The following MED13L variants were observed in gnomAD, a reference collection of about 807,000 sequenced individuals.
MED13L encodes the protein mediator complex subunit 13L.
Under a neutral mutation model 220.9 loss-of-function variants are expected in MED13L, and 7 were observed. That is an observed-to-expected ratio of 0.03 (90% confidence interval 0.02 to 0.06). MED13L has a LOEUF of 0.06. Among genes scored for constraint, MED13L ranks in the 10% least tolerant of loss-of-function variants. The pLI, the probability that MED13L is intolerant of heterozygous loss-of-function variation, is 1.00. For missense variants in MED13L, 1,965 were observed against 2,760.5 expected, an observed-to-expected ratio of 0.71 and a Z score of 6.46; for synonymous variants, 1,011 against 1,015.2, an observed-to-expected ratio of 1.00 and a Z score of 0.08.
chr12:115,997,088 A>G lies in MED13L; in HGVS notation c.2712T>C (p.Ser904=). The G allele has an allele frequency of 1.2e-6, 2 of 1,614,096 alleles. No individual in the cohort carries two copies. Among genetic ancestry groups the G allele is most frequent in the Non-Finnish European group, 1.7e-6 (2 of 1,179,994 alleles). Residue 904 remains serine (S), a synonymous_variant, in exon 15 of 31, where the codon AGT becomes AGC. Transcript: ENST00000281928. ...ATTCTGTGAGTTGTGTTGAAACCAT[A>G]CTGACCATAGGGCTCTCCATCATGC... ...ALGMMESPMV[S]MVSTQLTEFK... is the part of the protein sequence containing the mutation.
chr12:115,968,696 G>A (rs1472128353), intron 28 of MED13L, among the ~76,000 whole-genome samples: 2 of 152,174 alleles, frequency 1.3e-5, no homozygotes, highest in African/African-American at 4.8e-5. Context: ...AAAAACCCTT[G>A]CATCTGTAAT....
At chr12:116,183,183 T>C (rs1361857545) in intron 2 of MED13L, among the ~76,000 whole-genome samples, 2 of 152,194 alleles carry the variant, frequency 1.3e-5, no homozygotes, top group Non-Finnish European at 2.9e-5. Flanking sequence ...TAACAACTCC[T>C]TACCTGAGTC....
At chr12:116,069,849 T>C (rs958229853) in intron 4 of MED13L, among the ~76,000 whole-genome samples, 28 of 152,274 alleles carry the variant, frequency 1.8e-4, no homozygotes, top group African/African-American at 5.8e-4. Flanking sequence ...ATGTGTAAGA[T>C]GTATAGGAAA....
At chr12:116,240,050 A>G in intron 1 of MED13L, among the ~76,000 whole-genome samples, 1 of 152,270 alleles carries the variant, frequency 6.6e-6, no homozygotes, top group South Asian at 2.1e-4. Flanking sequence ...CACTAGTAGT[A>G]GTACTATTTC....
chr12:116,085,750 T>TCACA (rs201331780), intron 4 of MED13L, among the ~76,000 whole-genome samples: 3,270 of 99,962 alleles, frequency 0.033, 55 homozygotes, highest in South Asian at 0.075. Flanking sequence ...AAGATTAAAA[T>TCACA]CACTCACACA....
chr12:116,145,104 C>T (rs1877366624), intron 2 of MED13L, among the ~76,000 whole-genome samples: 1 of 152,200 alleles, frequency 6.6e-6, no homozygotes, highest in Non-Finnish European at 1.5e-5. Flanking sequence ...TTCTTCAGAA[C>T]AACAAATTAA....
chr12:116,001,332 G>A (rs1308281364), intron 14 of MED13L, among the ~76,000 whole-genome samples: 1 of 152,150 alleles, frequency 6.6e-6, no homozygotes, highest in Non-Finnish European at 1.5e-5. Flanking sequence ...GAGTAGCTGG[G>A]ATTAGAGGTG....
At chr12:116,220,324 A>G (rs1207779678) in intron 2 of MED13L, among the ~76,000 whole-genome samples, 1 of 152,210 alleles carries the variant, frequency 6.6e-6, no homozygotes, top group Non-Finnish European at 1.5e-5. Context: ...CGAGATTTCC[A>G]AGAGAAAACT....
intron 2 of MED13L, among the ~76,000 whole-genome samples, chr12:116,189,927 G>GT (rs993560053): frequency 3.9e-5 from 6 of 152,012 alleles, no homozygotes; most frequent in Non-Finnish European, 5.9e-5. Context: ...AGTTCTAGAT[G>GT]TTTTTTTGGG....
chr12:116,149,066 C>G (rs1877817140), intron 2 of MED13L, among the ~76,000 whole-genome samples: 2 of 152,334 alleles, frequency 1.3e-5, no homozygotes, highest in South Asian at 4.1e-4. Context: ...TTGATCACAT[C>G]CGGTATTCAT....
intron 2 of MED13L, among the ~76,000 whole-genome samples, chr12:116,221,962 T>G (rs1593180518): frequency 6.6e-6 from 1 of 152,290 alleles, no homozygotes; most frequent in East Asian, 1.9e-4. Flanking sequence ...AGACCACATT[T>G]TAAAACATCC....
chr12:115,988,794 A>G (rs1877868928), intron 17 of MED13L, among the ~76,000 whole-genome samples: 1 of 152,206 alleles, frequency 6.6e-6, no homozygotes, highest in South Asian at 2.1e-4. Flanking sequence ...TCATCCTGAA[A>G]GACGACACCA....
intron 2 of MED13L, among the ~76,000 whole-genome samples, chr12:116,143,236 C>T (rs753463343): frequency 2.0e-5 from 3 of 151,256 alleles, no homozygotes; most frequent in Non-Finnish European, 2.9e-5. Flanking sequence ...CTGCCAGGCA[C>T]AGTGGCTCAG....
intron 7 of MED13L, among the ~76,000 whole-genome samples, chr12:116,018,909 A>C (rs891310661): frequency 1.2e-4 from 17 of 138,550 alleles, no homozygotes; most frequent in African/African-American, 2.4e-4. Context: ...AAAAAAAAAA[A>C]AACAAAAAAA....
intron 2 of MED13L, among the ~76,000 whole-genome samples, chr12:116,138,248 T>C (rs1044114844): frequency 1.3e-5 from 2 of 152,240 alleles, no homozygotes; most frequent in Non-Finnish European, 2.9e-5. Flanking sequence ...TTATAAAACA[T>C]AGCCCTATTG....
At position 116,019,841 on chromosome 12, in the gene MED13L, ATTC is replaced by A; in HGVS notation, c.754_756del (p.Glu252del). On this transcript the variant is annotated inframe_deletion, in exon 6 of 31. Coordinates refer to ENST00000281928, the MANE Select transcript of MED13L (RefSeq NM_015335.5). ...TATCCCAACTCGTCTTCCTCTTTCG[ATTC>A]TTCTTTCTTTTTTAGCACCATCGGG... The A allele has an allele frequency of 6.2e-7, 1 of 1,613,786 alleles. No individual in the cohort carries two copies. The highest frequency in any genetic ancestry group is 8.5e-7 in the Non-Finnish European group (1 of 1,179,892).
intron 2 of MED13L, among the ~76,000 whole-genome samples, chr12:116,192,411 C>T (rs1881343952): frequency 6.6e-6 from 1 of 152,038 alleles, no homozygotes; most frequent in Non-Finnish European, 1.5e-5. Flanking sequence ...AATATAAATG[C>T]AAAAACAAAG....
intron 4 of MED13L, among the ~76,000 whole-genome samples, chr12:116,050,892 T>TC (rs1868435428): frequency 6.6e-6 from 1 of 151,966 alleles, no homozygotes; most frequent in African/African-American, 2.4e-5. Flanking sequence ...TGAGCCGAGA[T>TC]CATGCACGCC....
intron 29 of MED13L, among the ~76,000 whole-genome samples, 153 bp from the exon 30 acceptor site, chr12:115,963,672 C>G (rs1034052980): frequency 2.5e-4 from 38 of 151,924 alleles, no homozygotes; most frequent in Non-Finnish European, 4.7e-4. Flanking sequence ...TCAGTAACCC[C>G]CAAGGTAATC....
Sources: gnomAD v4.1 joint callset for allele counts (sites outside exome capture counted in the v4.1 genomes callset) on GRCh38, gnomAD v4.1.1 for gene constraint, MANE v1.5 for transcripts, NCBI Gene and HGNC (gene_info 2026-07-23, HGNC 2026-07-21) for gene names.